The following SUPT6H variants were observed in gnomAD, a reference collection of about 807,000 sequenced individuals.
SUPT6H encodes the protein transcription elongation factor SPT6.
Under a neutral mutation model 222.3 loss-of-function variants are expected in SUPT6H, and 11 were observed. The observed-to-expected ratio is 0.05, with a 90% CI of 0.03 to 0.08. The LOEUF is 0.08. Among genes scored for constraint, SUPT6H ranks in the 10% least tolerant of loss-of-function variants. SUPT6H has a pLI of 1.00. For synonymous variants in SUPT6H, 762 were observed against 801.2 expected, an observed-to-expected ratio of 0.95 and a Z score of 0.83; for missense variants, 1,422 against 2,216.0, an observed-to-expected ratio of 0.64 and a Z score of 7.19.
intron 11 of SUPT6H, 71 bp from the exon 12 acceptor site, chr17:28,681,185 C>T: frequency 6.4e-7 from 1 of 1,571,174 alleles, no homozygotes. Flanking sequence ...GGGAATTGGA[C>T]CTCTTGTAGC....
Position 28,686,655 on chromosome 17 carries a change from G to A in SUPT6H, c.2566G>A (p.Asp856Asn). Residue 856 changes from aspartate (D) to asparagine (N), a missense_variant and splice_region_variant, in exon 21 of 37, where the codon GAC becomes AAC. Coordinates refer to ENST00000314616, the MANE Select transcript of SUPT6H (RefSeq NM_003170.5). ...ATTGACCAACACTCATCCCACCAGG[G>A]ACGCCCAGATGTTGATTGAAGATGT... ...HVVTVAGENR[D>N]AQMLIEDVKR... 6.3e-7 allele frequency: 1 copy of A among 1,591,132 alleles called. No individual in the cohort carries two copies. Among genetic ancestry groups the A allele is most frequent in the African/African-American group, 1.4e-5 (1 of 74,038 alleles).
In SUPT6H at chr17:28,691,078, AT is replaced by A; in HGVS notation, c.3633+17del. 1 of 1,610,930 alleles carries A rather than the reference AT, an allele frequency of 6.2e-7. No homozygotes were observed. Among genetic ancestry groups the A allele is most frequent in the South Asian group, 1.1e-5 (1 of 90,448 alleles). On this transcript the variant is annotated intron_variant, in intron 27 of 36. Coordinates refer to ENST00000314616, the MANE Select transcript of SUPT6H (RefSeq NM_003170.5). ...AACTAAGCGAGGTGTGTGCTGCAGC[AT>A]TATCCTGCTCAGTGGATTTCCTTGG...
At chr17:28,696,146 A>T (rs753368257) in intron 29 of SUPT6H, among the ~76,000 whole-genome samples, 8 of 152,184 alleles carry the variant, frequency 5.3e-5, no homozygotes, top group Non-Finnish European at 8.8e-5. Flanking sequence ...TCTCTACCAA[A>T]CGTACAAAAA....
chr17:28,683,799 A>T lies in SUPT6H; in HGVS notation c.2212A>T (p.Lys738Ter). The T allele has an allele frequency of 6.2e-7, 1 of 1,613,586 alleles. No individual in the cohort carries two copies. The highest frequency in any genetic ancestry group is 8.5e-7 in the Non-Finnish European group (1 of 1,179,896). ...CAAGAACAAGCTGCTGGCTGAAGCC[A>T]AGGAATATGTCATAAAGGTGAGGAC... ...ELKNKLLAEA[K>*]EYVIKACSRK... The change falls in exon 17 of 37, where the codon AAG becomes TAG. Residue 738 changes from lysine (K) to a stop codon, truncating the protein, a stop_gained. Transcript: ENST00000314616. LOFTEE classifies it high-confidence loss of function.
chr17:28,676,262 GGAT>G lies in SUPT6H; in HGVS notation c.735_737del (p.Asp245del), dbSNP rs1334900767. ...AACTGGAGGAAGAGTATGAGTATGA[GGAT>G]GATGAGGCTGAGGGTGAAATCCGAG... On this transcript the variant is annotated inframe_deletion, in exon 7 of 37. Transcript: ENST00000314616. 3 of 1,613,884 alleles carry G rather than the reference GGAT, an allele frequency of 1.9e-6. No individual in the cohort carries two copies. Among genetic ancestry groups the G allele is most frequent in the Admixed American group, 3.3e-5 (2 of 59,952 alleles).
chr17:28,678,625 G>T lies in SUPT6H; in HGVS notation c.1197G>T (p.Trp399Cys), dbSNP rs1301347068. 2 of 1,614,102 alleles carry T rather than the reference G, an allele frequency of 1.2e-6. No homozygotes were observed. The highest frequency in any genetic ancestry group is 1.1e-5 in the South Asian group (1 of 91,068). ...ATGACCTATGGAGAGTCTGGCAGTGGGATGAAAAGGTAATGTAGATCCGTG... is the reference window on the plus strand; with the variant it reads ...ATGACCTATGGAGAGTCTGGCAGTGTGATGAAAAGGTAATGTAGATCCGTG... ...HINDLWRVWQ[W>C]DEKWTQLRIR... The change falls in exon 10 of 37, where the codon TGG (tryptophan) becomes TGT (cysteine). Residue 399 changes from tryptophan (W) to cysteine (C), a missense_variant. This residue lies in a region of SUPT6H where 389 missense variants were observed against 544.6 expected (regional missense o/e 0.71). Coordinates refer to ENST00000314616, the MANE Select transcript of SUPT6H (RefSeq NM_003170.5).
At chr17:28,669,283 C>A (rs1488585571) in intron 1 of SUPT6H, among the ~76,000 whole-genome samples, 3 of 152,142 alleles carry the variant, frequency 2.0e-5, no homozygotes, top group Non-Finnish European at 4.4e-5. Context: ...CCTCTGCCTT[C>A]CAGGTTCAAG....
chr17:28,687,450 G>T lies in SUPT6H; in HGVS notation c.2985G>T (p.Arg995=), dbSNP rs763408230. ...AGTATGTTTGTGGCCTGGGACCTCG[G>T]AAAGGGACCCACCTCCTGAAGGTAG... ...LIQYVCGLGP[R]KGTHLLKILK... is the part of the protein sequence containing the mutation. The change falls in exon 23 of 37, where the codon CGG becomes CGT. Residue 995 remains arginine (R), a synonymous_variant. Transcript: ENST00000314616. 1.0e-4 allele frequency: 162 copies of T among 1,614,028 alleles called. 1 individual carries two copies. The South Asian group carries it at 1.3e-3, about 13-fold the overall frequency.
Position 28,674,621 on chromosome 17 carries a change from T to C in SUPT6H, c.345+8T>C. The C allele has an allele frequency of 6.2e-7, 1 of 1,613,444 alleles. No individual in the cohort carries two copies. The highest frequency in any genetic ancestry group is 1.1e-5 in the South Asian group (1 of 91,072). ...GTCAAAGTCAAAAGAGGAGTAAGTG[T>C]CATTCTTTGTCTTTTGTCCCTGGGG... On this transcript the variant is annotated splice_region_variant and intron_variant, in intron 4 of 36. Transcript: ENST00000314616.
chr17:28,664,260 C>G (rs2029892249), intron 1 of SUPT6H, among the ~76,000 whole-genome samples: 1 of 152,196 alleles, frequency 6.6e-6, no homozygotes, highest in African/African-American at 2.4e-5. Context: ...ATAATCCCAG[C>G]ACTTTGGGAG....
chr17:28,701,205 A>G, intron 36 of SUPT6H, 77 bp downstream of exon 36: 1 of 1,518,722 alleles, frequency 6.6e-7, no homozygotes, highest in Middle Eastern at 2.2e-4. Context: ...GGCTTAGCAG[A>G]GGCAGGTGCT....
intron 17 of SUPT6H, 93 bp downstream of exon 17, chr17:28,683,909 C>G (rs1378243427): frequency 2.5e-6 from 3 of 1,223,018 alleles, no homozygotes; most frequent in Admixed American, 2.6e-5. Context: ...AATCTTGGCT[C>G]ACTGCAAGCT....
At position 28,682,974 on chromosome 17, in the gene SUPT6H, G is replaced by A; in HGVS notation, c.1760G>A (p.Gly587Asp). The A allele has an allele frequency of 1.9e-6, 3 of 1,613,188 alleles. No homozygotes were observed. Among genetic ancestry groups the A allele is most frequent in the Non-Finnish European group, 2.5e-6 (3 of 1,179,574 alleles). ...QFPTPEAVLE[G>D]ARYMVALQIA... The stretch of plus-strand genomic sequence containing the variant: ...CCTACTCCAGAAGCTGTGCTAGAAG[G>A]CGCCCGCTACATGGTAGCCCTGCAG... The change falls in exon 15 of 37, where the codon GGC becomes GAC. Residue 587 changes from glycine (G) to aspartate (D), a missense_variant. By Grantham distance (94) the Gly-to-Asp change is moderately conservative. Coordinates refer to ENST00000314616, the MANE Select transcript of SUPT6H (RefSeq NM_003170.5).
At chr17:28,700,803 C>T (rs1035907389) in intron 35 of SUPT6H, 138 bp from the exon 36 acceptor site, 2 of 1,143,280 alleles carry the variant, frequency 1.7e-6, no homozygotes, top group Admixed American at 2.2e-5. Context: ...AGGCTTCCCA[C>T]TGCTGGTCAG....
At chr17:28,689,296 G>C (rs2031538251) in intron 24 of SUPT6H, 58 bp from the exon 25 acceptor site, 2 of 1,543,910 alleles carry the variant, frequency 1.3e-6, no homozygotes, top group Admixed American at 3.4e-5. Context: ...GTGGACATTT[G>C]GGTTGTTACT....
intron 18 of SUPT6H, 24 bp downstream of exon 18, chr17:28,684,749 C>A: frequency 6.2e-7 from 1 of 1,613,730 alleles, no homozygotes; most frequent in Non-Finnish European, 8.5e-7. Flanking sequence ...TTTGCCTCCC[C>A]AGCACCATCT....
At chr17:28,662,582 A>G (rs1167243974) in intron 1 of SUPT6H, among the ~76,000 whole-genome samples, 1 of 152,096 alleles carries the variant, frequency 6.6e-6, no homozygotes, top group Non-Finnish European at 1.5e-5. Flanking sequence ...CGTTGAATCA[A>G]CAGGCTTCCT....
At chr17:28,700,098 C>A (rs967873869) in intron 33 of SUPT6H, 75 bp from the exon 34 acceptor site, 4 of 1,593,506 alleles carry the variant, frequency 2.5e-6, no homozygotes, top group Non-Finnish European at 3.4e-6. Flanking sequence ...TACTTCAGTG[C>A]CCCTTCCACC....
In SUPT6H at chr17:28,688,257, T is replaced by G. The variant is rs1438512857; in HGVS notation, c.3134+39T>G. 1 of 1,593,868 alleles carries G rather than the reference T, an allele frequency of 6.3e-7. No homozygotes were observed. The highest frequency in any genetic ancestry group is 1.1e-5 in the South Asian group (1 of 89,122). ...CCTGGATGGGGCAGGAGGAATTCCC[T>G]TGTGGGCTTTGTTTTCGGGTTTCAG... is the stretch of plus-strand genomic sequence containing the variant. On this transcript the variant is annotated intron_variant, in intron 24 of 36. Coordinates refer to ENST00000314616, the MANE Select transcript of SUPT6H (RefSeq NM_003170.5). This position sits in a 1 kb window ranked among gnomAD's most constrained non-coding sequence, Gnocchi z 4.3.
Sources: gnomAD v4.1 joint callset for allele counts (sites outside exome capture counted in the v4.1 genomes callset) on GRCh38, gnomAD v4.1.1 for gene constraint, gnomAD v4.1.1 regional missense constraint, Gnocchi (gnomAD v3.1) non-coding constraint, MANE v1.5 for transcripts, NCBI Gene and HGNC (gene_info 2026-07-23, HGNC 2026-07-21) for gene names.